RNF130: variants seen among roughly 807,000 people sequenced by gnomAD.
RNF130 encodes ring finger protein 130.
RNF130 carries 21 observed loss-of-function variants against 44.6 expected under a neutral mutation model. The observed-to-expected ratio is 0.47, with a 90% CI of 0.33 to 0.68. The LOEUF (loss-of-function observed/expected upper bound fraction) is 0.68. RNF130 is among the 30% of genes least tolerant of loss of function. The pLI, the probability that RNF130 is intolerant of heterozygous loss-of-function variation, is 0.02. For missense variants in RNF130, 479 were observed against 560.6 expected (o/e 0.85, Z 1.47); for synonymous variants, 214 against 210.4 (o/e 1.02, Z -0.15).
intron 1 of RNF130, among the ~76,000 whole-genome samples, chr5:180,043,847 C>T (rs949836862): frequency 6.6e-6 from 1 of 151,990 alleles, no homozygotes; most frequent in Non-Finnish European, 1.5e-5. Context: ...ATTGGTAGTA[C>T]AATACAAAAT....
intron 1 of RNF130, among the ~76,000 whole-genome samples, 172 bp from the exon 2 acceptor site, chr5:180,040,819 T>C (rs1432084272): frequency 6.6e-6 from 1 of 152,234 alleles, no homozygotes; most frequent in Non-Finnish European, 1.5e-5. Flanking sequence ...AATCAGTACC[T>C]ATAGGGAGAG....
At chr5:180,057,270 T>C (rs776829507) in intron 1 of RNF130, among the ~76,000 whole-genome samples, 9 of 152,176 alleles carry the variant, frequency 5.9e-5, no homozygotes, top group East Asian at 5.8e-4. Context: ...TGTGTCGGGG[T>C]GGGCACAGTG....
At chr5:180,008,396 A>G (rs1763511179) in intron 3 of RNF130, among the ~76,000 whole-genome samples, 1 of 152,166 alleles carries the variant, frequency 6.6e-6, no homozygotes, top group Non-Finnish European at 1.5e-5. Context: ...AGCTGTGCCC[A>G]CTGGTCTAAT....
In RNF130 at chr5:180,010,137, C is replaced by T. The variant is rs1018980918; in HGVS notation, c.693+2924G>A. Among the ~76,000 whole-genome samples, 8 of 149,212 alleles carry T rather than the reference C, an allele frequency of 5.4e-5. No homozygotes were observed. The South Asian group carries it at 1.3e-3, about 24-fold the overall frequency. ...TGGCAGGCACCTGTAGTCCCAGCTA[C>T]TCCGGAGGCTGAGGCAGGAGAATGG... On this transcript the variant is annotated intron_variant, in intron 3 of 8. Coordinates refer to ENST00000521389, the MANE Select transcript of RNF130 (RefSeq NM_018434.6).
chr5:179,950,799 A>G (rs1276891759), downstream of RNF130, among the ~76,000 whole-genome samples: 2 of 152,230 alleles, frequency 1.3e-5, no homozygotes, highest in Non-Finnish European at 2.9e-5. Flanking sequence ...ACTGTCATTA[A>G]AAGTCCTACA....
chr5:180,013,444 C>A, intron 2 of RNF130, 133 bp from the exon 3 acceptor site: 3 of 770,914 alleles, frequency 3.9e-6, no homozygotes, highest in African/African-American at 3.5e-5. Flanking sequence ...CACTTCTCAA[C>A]TGAAATGTAG....
intron 1 of RNF130, among the ~76,000 whole-genome samples, chr5:180,046,685 C>T (rs1764574357): frequency 6.6e-6 from 1 of 152,176 alleles, no homozygotes; most frequent in South Asian, 2.1e-4. Flanking sequence ...GCCAGTCCCA[C>T]CACTCTTGCT....
chr5:179,953,908 A>C (rs1315698824), downstream of RNF130, among the ~76,000 whole-genome samples: 1 of 152,244 alleles, frequency 6.6e-6, no homozygotes, highest in African/African-American at 2.4e-5. Flanking sequence ...CTTACAACAA[A>C]AAACAGTCCA....
At chr5:180,059,820 G>A (rs969473861) in intron 1 of RNF130, among the ~76,000 whole-genome samples, 3 of 152,206 alleles carry the variant, frequency 2.0e-5, no homozygotes, top group Admixed American at 2.0e-4. Flanking sequence ...CCTGCTACGT[G>A]AGAGAGGCAG....
At chr5:179,939,044 C>T (rs1436026124) in intron 7 of RNF130, among the ~76,000 whole-genome samples, 1 of 152,104 alleles carries the variant, frequency 6.6e-6, no homozygotes, top group African/African-American at 2.4e-5. Flanking sequence ...GCCTGGCCAA[C>T]ATGGTGAGAC....
chr5:180,062,748 T>C (rs2113184558), intron 1 of RNF130, among the ~76,000 whole-genome samples: 1 of 152,346 alleles, frequency 6.6e-6, no homozygotes, highest in African/African-American at 2.4e-5. Context: ...GTCACATTTG[T>C]TCAATCTTAA....
At chr5:179,926,700 G>A (rs879872375) in intron 7 of RNF130, among the ~76,000 whole-genome samples, 1 of 152,140 alleles carries the variant, frequency 6.6e-6, no homozygotes, top group Admixed American at 6.6e-5. Context: ...GTGAGCTGCT[G>A]TAGCAAATTA....
chr5:179,937,970 G>C (rs1469402288), intron 7 of RNF130, among the ~76,000 whole-genome samples: 5 of 145,564 alleles, frequency 3.4e-5, no homozygotes, highest in Non-Finnish European at 6.1e-5. Flanking sequence ...GAGAGAGAGA[G>C]ACAGAGACAG....
intron 3 of RNF130, among the ~76,000 whole-genome samples, chr5:180,004,197 T>A (rs1282773031): frequency 2.0e-5 from 3 of 152,204 alleles, no homozygotes; most frequent in Admixed American, 1.3e-4. Flanking sequence ...TTCTTTTGTA[T>A]ACTAAAGTTT....
intron 2 of RNF130, among the ~76,000 whole-genome samples, chr5:180,028,635 C>T (rs1409513439): frequency 6.6e-6 from 1 of 152,146 alleles, no homozygotes; most frequent in African/African-American, 2.4e-5. Flanking sequence ...GAGTGGTTCC[C>T]CAATTACTTC....
intron 3 of RNF130, among the ~76,000 whole-genome samples, chr5:180,006,909 A>AT (rs1407031915): frequency 3.3e-5 from 5 of 152,218 alleles, no homozygotes; most frequent in Non-Finnish European, 5.9e-5. Flanking sequence ...TATAGATAGT[A>AT]ATTAGATACA....
intron 1 of RNF130, among the ~76,000 whole-genome samples, chr5:180,069,464 G>A (rs929761983): frequency 2.0e-5 from 3 of 149,762 alleles, no homozygotes; most frequent in African/African-American, 7.3e-5. Flanking sequence ...GACACAGAAT[G>A]ACCCCTAGGG....
intron 2 of RNF130, 111 bp from the exon 3 acceptor site, chr5:180,013,422 G>C: frequency 1.1e-6 from 1 of 945,588 alleles, no homozygotes; most frequent in Non-Finnish European, 1.5e-6. Context: ...AATGGAAAGG[G>C]TATGCAAACT....
At chr5:180,021,022 G>A (rs1245585051) in intron 2 of RNF130, among the ~76,000 whole-genome samples, 2 of 151,896 alleles carry the variant, frequency 1.3e-5, no homozygotes, top group African/African-American at 4.8e-5. Flanking sequence ...TCACTCTGTC[G>A]CCAGGCTGGA....
Sources: allele counts gnomAD v4.1 joint callset (sites outside exome capture counted in the v4.1 genomes callset), GRCh38; gene constraint gnomAD v4.1.1; transcripts MANE v1.5; gene names NCBI Gene and HGNC (gene_info 2026-07-23, HGNC 2026-07-21).